The following LBH variants were observed in gnomAD, a reference collection of about 807,000 sequenced individuals.
The protein encoded by LBH is LBH regulator of Wnt signaling pathway.
A neutral mutation model predicts 12.5 loss-of-function variants in LBH; 7 were observed. The ratio of observed to expected loss-of-function variants is 0.56; its 90% CI spans 0.32 to 1.05. The LOEUF is 1.05. Ranked by LOEUF, LBH falls within the 50% of genes least tolerant of loss-of-function variation. LBH has a pLI of 0.04. For missense variants in LBH, 119 were observed against 138.9 expected, an observed-to-expected ratio of 0.86 and a Z score of 0.72; for synonymous variants, 51 against 50.1, an observed-to-expected ratio of 1.02 and a Z score of -0.08.
chr2:30,244,528 C>G (rs748887798), intron 2 of LBH, among the ~76,000 whole-genome samples: 1 of 152,124 alleles, frequency 6.6e-6, no homozygotes, highest in Non-Finnish European at 1.5e-5. Flanking sequence ...GCTTCCTTGT[C>G]CTACCTTTCT....
In LBH at chr2:30,231,659, T is replaced by A; in HGVS notation, c.-80T>A. 7.0e-7 allele frequency: 1 copy of A among 1,433,230 alleles called. No homozygotes were observed. Among genetic ancestry groups the A allele is most frequent in the Non-Finnish European group, 9.7e-7 (1 of 1,027,190 alleles). The allele number at this position is 1,433,230 out of a possible 1,614,324, so 88.8% of individuals were successfully genotyped here. A position where few individuals can be genotyped will look rare whatever the true frequency, so the allele number is the denominator to read the frequency against. Reference sequence around the variant, plus strand: ...CACTCGGCCGCCTGCCGTGCCCGTCTGCGCCCGTGTCATCCTCACTCGGGA... The same window carrying A: ...CACTCGGCCGCCTGCCGTGCCCGTCAGCGCCCGTGTCATCCTCACTCGGGA... On this transcript the variant is annotated 5_prime_UTR_variant, in exon 1 of 3. Transcript: ENST00000395323.
chr2:30,257,709 C>A lies in LBH; in HGVS notation c.*88C>A. Reference sequence around the variant, plus strand: ...ATCATGACGGAAGAAGAGAGTGAGCCGCAATTGTTCTGAAAATGTCAAACG... The same window carrying A: ...ATCATGACGGAAGAAGAGAGTGAGCAGCAATTGTTCTGAAAATGTCAAACG... On this transcript the variant is annotated 3_prime_UTR_variant, in exon 3 of 3. Transcript: ENST00000395323. 1.0e-6 allele frequency: 1 copy of A among 960,754 alleles called. No homozygotes were observed. Among genetic ancestry groups the A allele is most frequent in the Non-Finnish European group, 1.5e-6 (1 of 669,910 alleles). 59.5% of individuals were successfully genotyped at this position (960,754 alleles called of 1,614,324 possible).
chr2:30,241,457 TTTC>T (rs1335900564), intron 2 of LBH, among the ~76,000 whole-genome samples: 4 of 144,392 alleles, frequency 2.8e-5, no homozygotes, highest in African/African-American at 9.8e-5. Context: ...ATTTTCTTTC[TTTC>T]TTTTTTTTTT....
intron 2 of LBH, among the ~76,000 whole-genome samples, chr2:30,254,429 G>T (rs565705000): frequency 6.6e-6 from 1 of 152,290 alleles, no homozygotes; most frequent in Non-Finnish European, 1.5e-5. Context: ...GGATAAGTTG[G>T]GGGGTGGTAA....
At chr2:30,232,230 C>A in intron 1 of LBH, 1 of 1,432,728 alleles carries the variant, frequency 7.0e-7, no homozygotes, top group Non-Finnish European at 9.1e-7. Context: ...GTTTGCAGAG[C>A]TCCGGGGGGG....
Position 30,257,439 on chromosome 2 carries a change from C to T in LBH, c.136C>T (p.Pro46Ser). 1 of 1,614,052 alleles carries T rather than the reference C, an allele frequency of 6.2e-7. No individual in the cohort carries two copies. Among genetic ancestry groups the T allele is most frequent in the Non-Finnish European group, 8.5e-7 (1 of 1,179,920 alleles). ...RKDGLSYQIF[P>S]DPSDFDRCCK... The stretch of plus-strand genomic sequence containing the variant: ...TGCTCTGCTTTTCTTTCAGATCTTC[C>T]CAGACCCGTCAGATTTTGACCGCTG... The change falls in exon 3 of 3, where the codon CCA (proline) becomes TCA (serine). Residue 46 changes from proline to serine, a missense_variant. By Grantham distance (74) the Pro-to-Ser change is moderately conservative. Coordinates refer to ENST00000395323, the MANE Select transcript of LBH (RefSeq NM_030915.4).
chr2:30,246,318 G>A (rs1006052946), intron 2 of LBH, among the ~76,000 whole-genome samples: 1 of 151,976 alleles, frequency 6.6e-6, no homozygotes, highest in Non-Finnish European at 1.5e-5. Context: ...TTTTGGTCTC[G>A]GTCCCTTTCA....
At chr2:30,254,170 T>C (rs1256679978) in intron 2 of LBH, among the ~76,000 whole-genome samples, 1 of 152,238 alleles carries the variant, frequency 6.6e-6, no homozygotes, top group Non-Finnish European at 1.5e-5. Context: ...AACCCACATA[T>C]GCTATGTTTT....
intron 2 of LBH, among the ~76,000 whole-genome samples, chr2:30,253,409 T>C (rs1009599236): frequency 4.6e-5 from 7 of 152,214 alleles, no homozygotes; most frequent in Non-Finnish European, 1.0e-4. Flanking sequence ...CCCAAATGGG[T>C]ATAATCTGAT....
Position 30,258,009 on chromosome 2 carries a change from G to A in LBH, c.*388G>A, listed in dbSNP as rs916502021. The A allele has an allele frequency of 6.1e-6, 1 of 164,238 alleles. No homozygotes were observed. Among genetic ancestry groups the A allele is most frequent in the Non-Finnish European group, 1.3e-5 (1 of 75,766 alleles). The allele number at this position is 164,238 out of a possible 1,614,324, so 10.2% of individuals were successfully genotyped here. On this transcript the variant is annotated 3_prime_UTR_variant, in exon 3 of 3. Coordinates refer to ENST00000395323, the MANE Select transcript of LBH (RefSeq NM_030915.4). ...GTGGGGCATGTGCAAAGCAAGCAAG[G>A]AACATTTGGGGTAAGAAAACAAACA...
chr2:30,257,828 T>G lies in LBH; in HGVS notation c.*207T>G. The stretch of plus-strand genomic sequence containing the variant: ...TGAAATTTGCCGAGCAGTGGAGCCC[T>G]CTGACAATTTGCAAGGCCCTCTGAG... On this transcript the variant is annotated 3_prime_UTR_variant, in exon 3 of 3. Coordinates refer to ENST00000395323, the MANE Select transcript of LBH (RefSeq NM_030915.4). 1 of 429,240 alleles carries G rather than the reference T, an allele frequency of 2.3e-6. No homozygotes were observed. Among genetic ancestry groups the G allele is most frequent in the South Asian group, 3.0e-5 (1 of 33,320 alleles). The allele number at this position is 429,240 out of a possible 1,614,324, so 26.6% of individuals were successfully genotyped here.
intron 2 of LBH, among the ~76,000 whole-genome samples, chr2:30,243,690 C>T (rs1558387675): frequency 6.6e-6 from 1 of 152,008 alleles, no homozygotes; most frequent in Non-Finnish European, 1.5e-5. Flanking sequence ...ACTACATGCC[C>T]AGCTAGTTTT....
At chr2:30,249,667 G>A (rs1267310480) in intron 2 of LBH, among the ~76,000 whole-genome samples, 1 of 152,248 alleles carries the variant, frequency 6.6e-6, no homozygotes, top group Non-Finnish European at 1.5e-5. Flanking sequence ...ACTCGGCCTA[G>A]GATTTGTGGG....
chr2:30,247,913 T>A (rs565279399), intron 2 of LBH, among the ~76,000 whole-genome samples: 1 of 152,242 alleles, frequency 6.6e-6, no homozygotes, highest in Admixed American at 6.5e-5. Flanking sequence ...CCACTGTTGC[T>A]TTCTATACCC....
At chr2:30,239,380 T>TC (rs1677747132) in intron 2 of LBH, among the ~76,000 whole-genome samples, 1 of 152,150 alleles carries the variant, frequency 6.6e-6, no homozygotes. Context: ...GCATAACGCA[T>TC]CCACTCTATC....
chr2:30,232,356 A>G, intron 1 of LBH: 2 of 1,089,752 alleles, frequency 1.8e-6, no homozygotes, highest in South Asian at 1.9e-5. Context: ...ACCGACGCAC[A>G]TTGGTGGGGG....
intron 2 of LBH, among the ~76,000 whole-genome samples, chr2:30,253,107 C>T (rs1678014738): frequency 6.6e-6 from 1 of 152,216 alleles, no homozygotes; most frequent in Non-Finnish European, 1.5e-5. Flanking sequence ...CAACCCCTAC[C>T]TGTCATGTGC....
At chr2:30,246,672 A>G (rs1008321291) in intron 2 of LBH, among the ~76,000 whole-genome samples, 2 of 152,178 alleles carry the variant, frequency 1.3e-5, no homozygotes, top group Non-Finnish European at 2.9e-5. Context: ...GTTGAAGTCA[A>G]TGAAGGATAT....
rs992102813 is a variant in LBH, at chr2:30,257,777, T to A, written c.*156T>A. Reference sequence around the variant, plus strand: ...CTGCAGATCACCGAGTTGGTTTTCTTTTCTTTTCTTGCCTTTTTTTTTTTT... The same window carrying A: ...CTGCAGATCACCGAGTTGGTTTTCTATTCTTTTCTTGCCTTTTTTTTTTTT... On this transcript the variant is annotated 3_prime_UTR_variant, in exon 3 of 3. Transcript: ENST00000395323. The A allele has an allele frequency of 1.8e-6, 1 of 567,980 alleles. No homozygotes were observed. The highest frequency in any genetic ancestry group is 2.9e-6 in the Non-Finnish European group (1 of 340,852). The allele number at this position is 567,980 out of a possible 1,614,324, so 35.2% of individuals were successfully genotyped here. A position where few individuals can be genotyped will look rare whatever the true frequency, so the allele number is the denominator to read the frequency against.
Sources: gnomAD v4.1 joint callset for allele counts (sites outside exome capture counted in the v4.1 genomes callset) on GRCh38, gnomAD v4.1.1 for gene constraint, MANE v1.5 for transcripts, NCBI Gene and HGNC (gene_info 2026-07-23, HGNC 2026-07-21) for gene names.